ACTR3C: variants seen among roughly 807,000 people sequenced by gnomAD.
ACTR3C encodes the protein actin related protein 3C.
A neutral mutation model predicts 26.3 loss-of-function variants in ACTR3C; 18 were observed. That is an observed-to-expected ratio of 0.68 (90% CI 0.47 to 1.01). ACTR3C has a LOEUF of 1.01. Ranked by LOEUF, ACTR3C falls within the 50% of genes least tolerant of loss-of-function variation. The pLI, the probability that ACTR3C is intolerant of heterozygous loss-of-function variation, is 0.00. For synonymous variants in ACTR3C, 55 were observed against 94.5 expected, an observed-to-expected ratio of 0.58 and a Z score of 2.42; for missense variants, 184 against 250.7, an observed-to-expected ratio of 0.73 and a Z score of 1.80.
the ACTR3C span, among the ~76,000 whole-genome samples, chr7:150,211,743 G>A: frequency 6.6e-6 from 1 of 151,616 alleles, no homozygotes; most frequent in Non-Finnish European, 1.5e-5. Context: ...TGCTAAGATC[G>A]AGTCTACTGA....
chr7:149,952,539 TG>T, the ACTR3C span, among the ~76,000 whole-genome samples: 31 of 144,106 alleles, frequency 2.2e-4, no homozygotes, highest in South Asian at 5.9e-3. Flanking sequence ...GCTCAGAGTA[TG>T]GGGGGGATGA....
chr7:150,050,917 C>T, the ACTR3C span, among the ~76,000 whole-genome samples: 1 of 149,966 alleles, frequency 6.7e-6, no homozygotes, highest in Non-Finnish European at 1.5e-5. Flanking sequence ...CCATCCTGGC[C>T]AACATGGTGA....
chr7:150,108,973 C>T, the ACTR3C span, among the ~76,000 whole-genome samples: 76 of 151,888 alleles, frequency 5.0e-4, no homozygotes, highest in Admixed American at 7.9e-4. Context: ...CCCCACAGAC[C>T]GCTGTCTAAT....
the ACTR3C span, among the ~76,000 whole-genome samples, chr7:150,057,156 T>C: frequency 6.6e-6 from 1 of 152,088 alleles, no homozygotes; most frequent in Non-Finnish European, 1.5e-5. Flanking sequence ...GGAGATGGAA[T>C]ACCGAACTCA....
At chr7:150,254,513 G>T (rs1833072141) in intron 6 of ACTR3C, among the ~76,000 whole-genome samples, 1 of 151,918 alleles carries the variant, frequency 6.6e-6, no homozygotes, top group African/African-American at 2.4e-5. Context: ...AAAGGATCAG[G>T]CCTCCCAGAC....
At chr7:150,305,180 G>A (rs1484342230) in intron 1 of ACTR3C, among the ~76,000 whole-genome samples, 1 of 152,126 alleles carries the variant, frequency 6.6e-6, no homozygotes, top group Admixed American at 6.5e-5. Flanking sequence ...CACACTGAGG[G>A]AAAATCCATT....
chr7:150,239,536 C>A (rs199783116), downstream of ACTR3C, among the ~76,000 whole-genome samples: 8,758 of 111,168 alleles, frequency 0.079, 371 homozygotes, highest in South Asian at 0.092. Context: ...CTCTCTCTCT[C>A]TCTCTATATA....
At chr7:150,211,704 GAC>G in the ACTR3C span, among the ~76,000 whole-genome samples, 1 of 150,860 alleles carries the variant, frequency 6.6e-6, no homozygotes, top group Non-Finnish European at 1.5e-5. Context: ...CCACCCACCT[GAC>G]ACATAACAGG....
At chr7:150,028,618 C>A in the ACTR3C span, among the ~76,000 whole-genome samples, 1 of 152,300 alleles carries the variant, frequency 6.6e-6, no homozygotes. Flanking sequence ...TGCTTCTGGC[C>A]TTTATCCCCC....
At chr7:149,966,039 A>G in the ACTR3C span, among the ~76,000 whole-genome samples, 33,861 of 152,210 alleles carry the variant, frequency 0.22, 4,320 homozygotes, top group South Asian at 0.35. Flanking sequence ...TCTATGAGCA[A>G]TGTGTTTCAG....
the ACTR3C span, among the ~76,000 whole-genome samples, chr7:150,204,745 A>T: frequency 1.2e-4 from 19 of 152,074 alleles, no homozygotes; most frequent in African/African-American, 4.6e-4. Context: ...GGAGCAAGGA[A>T]CAGGCCAGGG....
chr7:150,180,396 A>AT, the ACTR3C span, among the ~76,000 whole-genome samples: 8 of 150,686 alleles, frequency 5.3e-5, no homozygotes, highest in South Asian at 6.2e-4. Context: ...AATGTTTGCC[A>AT]TTTTTTTACT....
chr7:150,165,122 G>A, the ACTR3C span, among the ~76,000 whole-genome samples: 31 of 152,264 alleles, frequency 2.0e-4, no homozygotes, highest in South Asian at 5.4e-3. Flanking sequence ...GCTCCTGACC[G>A]AAACTTTCTG....
the ACTR3C span, among the ~76,000 whole-genome samples, chr7:150,169,015 C>G: frequency 6.6e-6 from 1 of 150,400 alleles, no homozygotes; most frequent in African/African-American, 2.5e-5. Context: ...GGAAGTGGGT[C>G]CTTTGGGAAT....
the ACTR3C span, among the ~76,000 whole-genome samples, chr7:149,894,529 C>T: frequency 6.6e-6 from 1 of 151,764 alleles, no homozygotes; most frequent in Non-Finnish European, 1.5e-5. Flanking sequence ...ATAAAGAACT[C>T]AAACAGCAAT....
At chr7:150,068,504 C>T in the ACTR3C span, among the ~76,000 whole-genome samples, 1 of 152,002 alleles carries the variant, frequency 6.6e-6, no homozygotes, top group African/African-American at 2.4e-5. Context: ...GAATGGGACT[C>T]CTTCTCATGC....
At chr7:149,908,183 G>T in the ACTR3C span, among the ~76,000 whole-genome samples, 3 of 152,160 alleles carry the variant, frequency 2.0e-5, no homozygotes, top group African/African-American at 7.2e-5. Context: ...AGGCCGTGGG[G>T]AGAGGCCTCA....
chr7:149,911,833 A>G, the ACTR3C span, among the ~76,000 whole-genome samples: 6 of 152,194 alleles, frequency 3.9e-5, no homozygotes, highest in Non-Finnish European at 7.4e-5. Flanking sequence ...CAGCCCCACT[A>G]TTTGACAAAT....
the ACTR3C span, among the ~76,000 whole-genome samples, chr7:150,139,553 G>T: frequency 1.3e-5 from 2 of 152,256 alleles, no homozygotes; most frequent in African/African-American, 2.4e-5. Context: ...GCTGGGCATC[G>T]GCTCCTCTCA....
Sources: allele counts gnomAD v4.1 joint callset (sites outside exome capture counted in the v4.1 genomes callset), GRCh38; gene constraint gnomAD v4.1.1; transcripts MANE v1.5; gene names NCBI Gene and HGNC (gene_info 2026-07-23, HGNC 2026-07-21).